The following DGKH variants were observed in gnomAD, a reference collection of about 807,000 sequenced individuals.
DGKH encodes the protein diacylglycerol kinase eta, also known as DAG kinase eta.
DGKH carries 90 observed loss-of-function variants against 159.3 expected under a neutral mutation model. The ratio of observed to expected loss-of-function variants is 0.57; its 90% confidence interval spans 0.48 to 0.67. The LOEUF (loss-of-function observed/expected upper bound fraction) is 0.67, where lower values mean the gene tolerates loss of function less well. DGKH is among the 30% of genes least tolerant of loss of function. The pLI is 0.00. For missense variants in DGKH, 1,181 were observed against 1,506.1 expected, an observed-to-expected ratio of 0.78 and a Z score of 3.57; for synonymous variants, 536 against 553.8, an observed-to-expected ratio of 0.97 and a Z score of 0.45.
At chr13:42,138,194 C>T in intron 3 of DGKH, 14 of 793,006 alleles carry the variant, frequency 1.8e-5, no homozygotes, top group Non-Finnish European at 2.1e-5. Flanking sequence ...GAATTCAGGG[C>T]TCTCAGCTCT....
At chr13:42,078,907 TC>T (rs1236715581) in intron 1 of DGKH, among the ~76,000 whole-genome samples, 1 of 143,774 alleles carries the variant, frequency 7.0e-6, no homozygotes, top group African/African-American at 2.7e-5. Context: ...AGGTATATTC[TC>T]CTTTTTTTTT....
At chr13:42,179,414 TTCTA>T (rs1566163287) in intron 13 of DGKH, among the ~76,000 whole-genome samples, 1 of 152,354 alleles carries the variant, frequency 6.6e-6, no homozygotes, top group South Asian at 2.1e-4. Context: ...GAAAATTTAA[TTCTA>T]TCTAATTTAT....
At chr13:42,167,692 C>T (rs915962056) in intron 9 of DGKH, among the ~76,000 whole-genome samples, 1 of 152,176 alleles carries the variant, frequency 6.6e-6, no homozygotes, top group Admixed American at 6.5e-5. Context: ...TTCTCACCTT[C>T]TTTGTCTCTG....
rs547237905 is a variant in DGKH at position 42,073,416 on chromosome 13, G to A, written c.192+24451G>A. On this transcript the variant is annotated intron_variant, in intron 1 of 29. Coordinates refer to ENST00000337343, the MANE Select transcript of DGKH (RefSeq NM_178009.5). ...TTGACTTAAGATTTTTCAAATTTAC[G>A]GTGGCAAAAGCAATACATATTTAGT... 1.4e-4 allele frequency among the ~76,000 whole-genome samples: 22 copies of A among 152,214 alleles called. 1 individual carries two copies. Among genetic ancestry groups the A allele is most frequent in the African/African-American group, 3.4e-4 (14 of 41,540 alleles).
intron 16 of DGKH, among the ~76,000 whole-genome samples, chr13:42,192,063 TAGTGCTGCCTG>T (rs1209052620): frequency 6.6e-6 from 1 of 152,244 alleles, no homozygotes; most frequent in African/African-American, 2.4e-5. Context: ...GTCTGGTAGA[TAGTGCTGCCTG>T]AGTGTTCACT....
At chr13:42,170,589 C>T (rs1956427268) in intron 11 of DGKH, among the ~76,000 whole-genome samples, 1 of 151,980 alleles carries the variant, frequency 6.6e-6, no homozygotes, top group African/African-American at 2.4e-5. Context: ...AACTTAAGAT[C>T]TTTGTTAGAA....
At chr13:42,228,596 G>A (rs1371441343) in intron 29 of DGKH, among the ~76,000 whole-genome samples, 5 of 151,106 alleles carry the variant, frequency 3.3e-5, no homozygotes, top group Non-Finnish European at 7.4e-5. Context: ...TCCCAAAAGA[G>A]CCTTTGAGAG....
chr13:42,189,283 G>A lies in DGKH; in HGVS notation c.1886G>A (p.Arg629Lys). ...LRANSLKKAV[R>K]QVIEEAGKVM... The stretch of plus-strand genomic sequence containing the variant: ...GCAAATAGTTTAAAGAAAGCAGTGA[G>A]GCAAGTCATTGAGGAAGCCGGAAAA... Residue 629 changes from arginine to lysine, a missense_variant, in exon 15 of 30, where the codon AGG (arginine) becomes AAG (lysine). Arg to Lys is a conservative substitution (Grantham distance 26). Transcript: ENST00000337343. The A allele has an allele frequency of 6.2e-7, 1 of 1,614,170 alleles. No individual in the cohort carries two copies. The highest frequency in any genetic ancestry group is 8.5e-7 in the Non-Finnish European group (1 of 1,180,032).
intron 7 of DGKH, among the ~76,000 whole-genome samples, chr13:42,160,377 T>C (rs1342176848): frequency 1.3e-5 from 2 of 152,222 alleles, no homozygotes; most frequent in Admixed American, 1.3e-4. Flanking sequence ...CTCTTACCCA[T>C]AGTTGTATTG....
chr13:42,214,297 A>G (rs1416949394), intron 24 of DGKH, among the ~76,000 whole-genome samples: 2 of 152,100 alleles, frequency 1.3e-5, no homozygotes, highest in Admixed American at 6.6e-5. Flanking sequence ...TTTTTATACA[A>G]AGATTTTTTA....
intron 7 of DGKH, among the ~76,000 whole-genome samples, chr13:42,162,270 G>A (rs7985296): frequency 0.98 from 148,612 of 152,268 alleles, 72,613 homozygotes; most frequent in East Asian, 1. Context: ...CAGCACCTTG[G>A]GAGGCCAAGG....
chr13:42,062,506 A>G (rs1882256974), intron 1 of DGKH, among the ~76,000 whole-genome samples: 1 of 152,180 alleles, frequency 6.6e-6, no homozygotes, highest in African/African-American at 2.4e-5. Context: ...AAGTCGTATT[A>G]CCAGCGGGAA....
chr13:42,161,781 C>CAAAAAAAA (rs34855614), intron 7 of DGKH, among the ~76,000 whole-genome samples: 1 of 100,562 alleles, frequency 9.9e-6, no homozygotes. Flanking sequence ...CTCTGCCTCT[C>CAAAAAAAA]AAAAAAAAAA....
At chr13:42,250,667 C>A (rs1958614195) in intron 29 of DGKH, among the ~76,000 whole-genome samples, 1 of 152,188 alleles carries the variant, frequency 6.6e-6, no homozygotes, top group African/African-American at 2.4e-5. Context: ...TTGTTCAATA[C>A]ATATCCCTGC....
chr13:42,177,436 A>C (rs1315198400), intron 12 of DGKH, among the ~76,000 whole-genome samples: 1 of 152,238 alleles, frequency 6.6e-6, no homozygotes, highest in Admixed American at 6.5e-5. Context: ...CTACTATTAG[A>C]TGAATGCTGC....
At chr13:42,149,390 G>A (rs1955821575) in intron 3 of DGKH, among the ~76,000 whole-genome samples, 1 of 152,174 alleles carries the variant, frequency 6.6e-6, no homozygotes, top group Non-Finnish European at 1.5e-5. Context: ...ATGCCAAGTG[G>A]TTTAGAAGAT....
intron 1 of DGKH, among the ~76,000 whole-genome samples, chr13:42,121,996 CA>C (rs1255182768): frequency 6.6e-6 from 1 of 152,172 alleles, no homozygotes; most frequent in Non-Finnish European, 1.5e-5. Context: ...ATTCATAAGT[CA>C]GACTTTTCTT....
At chr13:42,116,415 G>C (rs1309381367) in intron 1 of DGKH, among the ~76,000 whole-genome samples, 1 of 152,198 alleles carries the variant, frequency 6.6e-6, no homozygotes, top group Non-Finnish European at 1.5e-5. Flanking sequence ...TTCCTTAGAT[G>C]AGAAGTGGAG....
In DGKH at chr13:42,225,267, G is replaced by A. The variant is rs565535513; in HGVS notation, c.3574-3832G>A. On this transcript the variant is annotated intron_variant, in intron 29 of 29. Transcript: ENST00000337343. Reference sequence around the variant, plus strand: ...GCTTTAGCAGATAAGGAAACAAACTGATTGCATCATTTTCTTTGCTAGAAC... The same window carrying A: ...GCTTTAGCAGATAAGGAAACAAACTAATTGCATCATTTTCTTTGCTAGAAC... The A allele has an allele frequency of 4.7e-5, 75 of 1,585,776 alleles. 2 individuals are homozygous for A. The African/African-American group carries it at 4.8e-4, about 10-fold the overall frequency.
Sources: allele counts gnomAD v4.1 joint callset (sites outside exome capture counted in the v4.1 genomes callset), GRCh38; gene constraint gnomAD v4.1.1; transcripts MANE v1.5; gene names NCBI Gene and HGNC (gene_info 2026-07-23, HGNC 2026-07-21).